BMPR1B: variants seen among roughly 807,000 people sequenced by gnomAD.
The protein encoded by BMPR1B is bone morphogenetic protein receptor type-1B.
A neutral mutation model predicts 59.1 loss-of-function variants in BMPR1B; 12 were observed. That is an observed-to-expected ratio of 0.20 (90% CI 0.13 to 0.33). BMPR1B has a LOEUF of 0.33. BMPR1B is among the 10% of genes least tolerant of loss of function. BMPR1B has a pLI of 1.00. For synonymous variants in BMPR1B, 237 were observed against 207.3 expected (o/e 1.14, Z -1.23); for missense variants, 550 against 610.9 (o/e 0.90, Z 1.05).
chr4:94,997,486 C>G (rs76407983), intron 3 of BMPR1B, among the ~76,000 whole-genome samples: 1 of 152,032 alleles, frequency 6.6e-6, no homozygotes, highest in Non-Finnish European at 1.5e-5. Context: ...TTGTTGAATG[C>G]GTATATAACT....
intron 1 of BMPR1B, among the ~76,000 whole-genome samples, chr4:94,859,129 AT>A (rs1243988038): frequency 5.9e-5 from 9 of 152,202 alleles, no homozygotes; most frequent in Non-Finnish European, 2.9e-5. Flanking sequence ...CTGTTGTCCC[AT>A]CAGACTGTCT....
At chr4:94,759,368 C>A (rs1721668454) in intron 1 of BMPR1B, among the ~76,000 whole-genome samples, 2 of 152,222 alleles carry the variant, frequency 1.3e-5, no homozygotes, top group Admixed American at 6.5e-5. Context: ...TTCTTGAGTT[C>A]TGCAAAGAAA....
intron 2 of BMPR1B, among the ~76,000 whole-genome samples, chr4:94,888,049 TA>T (rs1234127224): frequency 6.6e-6 from 1 of 152,100 alleles, no homozygotes; most frequent in Admixed American, 6.6e-5. Flanking sequence ...TGAAAACCAA[TA>T]TTCAATACAA....
At chr4:94,994,948 GTTGA>G (rs1212196294) in intron 2 of BMPR1B, among the ~76,000 whole-genome samples, 3 of 152,260 alleles carry the variant, frequency 2.0e-5, no homozygotes, top group African/African-American at 7.2e-5. Flanking sequence ...CAGCCTGGGG[GTTGA>G]TTTTCTTATC....
intron 2 of BMPR1B, among the ~76,000 whole-genome samples, chr4:94,920,338 A>G (rs1215452597): frequency 4.6e-5 from 7 of 152,262 alleles, no homozygotes; most frequent in Non-Finnish European, 8.8e-5. Context: ...TTTTATTGAA[A>G]TGCTTATTGT....
intron 2 of BMPR1B, among the ~76,000 whole-genome samples, chr4:94,907,792 A>G (rs746112055): frequency 1.2e-4 from 18 of 151,934 alleles, no homozygotes; most frequent in Non-Finnish European, 1.9e-4. Flanking sequence ...TAGCCTGGGA[A>G]ACCTCTGTGT....
chr4:94,833,192 C>CAAAAAAAAAAAA (rs60473542), intron 1 of BMPR1B, among the ~76,000 whole-genome samples: 1 of 133,030 alleles, frequency 7.5e-6, no homozygotes, highest in Non-Finnish European at 1.6e-5. Context: ...GACTCTTTCT[C>CAAAAAAAAAAAA]AAAAAAAAAA....
chr4:94,859,187 A>T (rs1725884303), intron 1 of BMPR1B, among the ~76,000 whole-genome samples: 1 of 152,110 alleles, frequency 6.6e-6, no homozygotes, highest in Non-Finnish European at 1.5e-5. Context: ...TCAAGAGGCC[A>T]CTCTTTATGT....
intron 3 of BMPR1B, among the ~76,000 whole-genome samples, chr4:95,050,243 T>C (rs1366669401): frequency 6.6e-6 from 1 of 152,206 alleles, no homozygotes; most frequent in Non-Finnish European, 1.5e-5. Flanking sequence ...GGGATATGGA[T>C]AAATATTACT....
intron 8 of BMPR1B, among the ~76,000 whole-genome samples, chr4:95,129,058 TA>T (rs1733111494): frequency 1.3e-5 from 2 of 152,006 alleles, no homozygotes; most frequent in Admixed American, 1.3e-4. Context: ...TTTCTTATGT[TA>T]TACCCATGAT....
At chr4:94,861,359 G>A (rs191735755) in intron 1 of BMPR1B, among the ~76,000 whole-genome samples, 1,826 of 152,296 alleles carry the variant, frequency 0.012, 26 homozygotes, top group Non-Finnish European at 0.014. Context: ...TCATTGTCAA[G>A]TATTTGAAGG....
At chr4:95,055,447 A>G (rs1317325507) in intron 3 of BMPR1B, among the ~76,000 whole-genome samples, 1 of 152,208 alleles carries the variant, frequency 6.6e-6, no homozygotes, top group Non-Finnish European at 1.5e-5. Context: ...CCATATGGCA[A>G]AATATACTGA....
In BMPR1B at chr4:95,157,255, G is replaced by A. The variant is rs978326493; in HGVS notation, c.*2582G>A. 2.6e-5 allele frequency: 4 copies of A among 152,032 alleles called. No individual in the cohort carries two copies. Among genetic ancestry groups the A allele is most frequent in the Admixed American group, 6.6e-5 (1 of 15,256 alleles). The allele number at this position is 152,032 out of a possible 1,614,324, so 9.4% of individuals were successfully genotyped here. ...TGAGATACTTAAAAAGACCCACTTA[G>A]CGATTATAGTTGCTCAATGAAACAA... On this transcript the variant is annotated 3_prime_UTR_variant, in exon 13 of 13. Coordinates refer to ENST00000515059, the MANE Select transcript of BMPR1B (RefSeq NM_001203.3).
At chr4:94,923,537 G>GT (rs1481015191) in intron 2 of BMPR1B, among the ~76,000 whole-genome samples, 1 of 152,130 alleles carries the variant, frequency 6.6e-6, no homozygotes, top group African/African-American at 2.4e-5. Flanking sequence ...GAGAGCCCTG[G>GT]TTTAAGTTTT....
intron 2 of BMPR1B, among the ~76,000 whole-genome samples, chr4:94,895,464 G>A (rs1214181483): frequency 2.0e-5 from 3 of 151,758 alleles, no homozygotes; most frequent in Non-Finnish European, 4.4e-5. Context: ...ACCAATTCAT[G>A]AAGAAGTCTC....
intron 3 of BMPR1B, among the ~76,000 whole-genome samples, chr4:95,031,797 C>T (rs930568964): frequency 1.3e-5 from 2 of 152,042 alleles, no homozygotes; most frequent in Non-Finnish European, 2.9e-5. Flanking sequence ...CAGGGTGGCT[C>T]ACTCCTGTAA....
In BMPR1B at chr4:94,862,944, C is replaced by CAA. The variant is rs768809079; in HGVS notation, c.-182-12865_-182-12864dup. On this transcript the variant is annotated intron_variant, in intron 1 of 12. Coordinates refer to ENST00000515059, the MANE Select transcript of BMPR1B (RefSeq NM_001203.3). Reference sequence around the variant, plus strand: ...TGGGGGACAGAGCGAGACTCCGTCTCAAAAAAAAAAAAAAAAAAAAAAATT... The same window carrying CAA: ...TGGGGGACAGAGCGAGACTCCGTCTCAAAAAAAAAAAAAAAAAAAAAAAAATT... Among the ~76,000 whole-genome samples the CAA allele has an allele frequency of 3.3e-3, 154 of 46,936 alleles. 1 individual carries two copies. The highest frequency in any genetic ancestry group is 5.0e-3 in the Non-Finnish European group (118 of 23,452). 30.8% of individuals were successfully genotyped at this position (46,936 alleles called of 152,430 possible).
At chr4:94,807,931 A>G (rs1723673271) in intron 1 of BMPR1B, among the ~76,000 whole-genome samples, 1 of 152,104 alleles carries the variant, frequency 6.6e-6, no homozygotes, top group African/African-American at 2.4e-5. Flanking sequence ...CAAGTGATCC[A>G]CCTGCCTGGA....
Position 94,927,408 on chromosome 4 carries a change from T to C in BMPR1B, c.-113+51508T>C, listed in dbSNP as rs924196050. Among the ~76,000 whole-genome samples, 75 of 152,228 alleles carry C rather than the reference T, an allele frequency of 4.9e-4. 1 individual carries two copies. The highest frequency in any genetic ancestry group is 7.4e-5 in the Non-Finnish European group (5 of 68,000). ...GGAACTATACAAGGCACAGACATTC[T>C]GTGAGGGCTCCTAAAAGGGCAGGAT... On this transcript the variant is annotated intron_variant, in intron 2 of 12. Coordinates refer to ENST00000515059, the MANE Select transcript of BMPR1B (RefSeq NM_001203.3).
Sources: gnomAD v4.1 joint callset for allele counts (sites outside exome capture counted in the v4.1 genomes callset) on GRCh38, gnomAD v4.1.1 for gene constraint, MANE v1.5 for transcripts, NCBI Gene and HGNC (gene_info 2026-07-23, HGNC 2026-07-21) for gene names.